Variants in CNKSR3 observed in about 807,000 individuals in gnomAD.
CNKSR3 encodes the protein CNKSR family member 3, also known as connector enhancer of kinase suppressor of ras 3.
CNKSR3 carries 36 observed loss-of-function variants against 67.7 expected under a neutral mutation model. That is an observed-to-expected ratio of 0.53 (90% CI 0.41 to 0.70). The LOEUF (loss-of-function observed/expected upper bound fraction) is 0.70. CNKSR3 is among the 30% of genes least tolerant of loss of function. The pLI is 0.00. For synonymous variants in CNKSR3, 281 were observed against 271.4 expected, an observed-to-expected ratio of 1.04 and a Z score of -0.35; for missense variants, 630 against 695.2, an observed-to-expected ratio of 0.91 and a Z score of 1.05.
rs748950136 is a variant in CNKSR3 at position 154,414,913 on chromosome 6, T to C, written c.946-490A>G. 3.7e-5 allele frequency: 16 copies of C among 430,142 alleles called. 1 individual carries two copies. The highest frequency in any genetic ancestry group is 2.6e-4 in the South Asian group (16 of 60,928). The allele number at this position is 430,142 out of a possible 1,614,324, so 26.6% of individuals were successfully genotyped here. A position where few individuals can be genotyped will look rare whatever the true frequency, so the allele number is the denominator to read the frequency against. On this transcript the variant is annotated intron_variant, in intron 9 of 12. Coordinates refer to ENST00000607772, the MANE Select transcript of CNKSR3 (RefSeq NM_173515.4). ...GACTTCGAGACCAGCCTGGGCAACA[T>C]GGCGATACCCAGTCCCTACGAAAAA...
At chr6:154,426,873 C>T (rs185957988) in intron 7 of CNKSR3, among the ~76,000 whole-genome samples, 11 of 152,340 alleles carry the variant, frequency 7.2e-5, no homozygotes, top group African/African-American at 2.6e-4. Flanking sequence ...CACCATGTTT[C>T]TCTTCCATAC....
rs889057703 is a variant in CNKSR3, at chr6:154,398,012, G to A, written c.*8342C>T. ...TCCTCAGGGCATTGCAACCCATTAGGCTGAATCATATGAACTGCAGATTAT... is the reference window on the plus strand; with the variant it reads ...TCCTCAGGGCATTGCAACCCATTAGACTGAATCATATGAACTGCAGATTAT... On this transcript the variant is annotated 3_prime_UTR_variant, in exon 13 of 13. Coordinates refer to ENST00000607772, the MANE Select transcript of CNKSR3 (RefSeq NM_173515.4). 6.6e-6 allele frequency: 1 copy of A among 152,240 alleles called. No individual in the cohort carries two copies. Among genetic ancestry groups the A allele is most frequent in the Non-Finnish European group, 1.5e-5 (1 of 68,062 alleles). The allele number at this position is 152,240 out of a possible 1,614,324, so 9.4% of individuals were successfully genotyped here. A position where few individuals can be genotyped will look rare whatever the true frequency, so the allele number is the denominator to read the frequency against.
intron 1 of CNKSR3, among the ~76,000 whole-genome samples, chr6:154,468,746 T>A (rs1562346980): frequency 6.6e-6 from 1 of 151,958 alleles, no homozygotes; most frequent in Non-Finnish European, 1.5e-5. Flanking sequence ...TATGGAAAAA[T>A]TCAAATATAG....
rs575548687 is a variant in CNKSR3 at position 154,422,420 on chromosome 6, A to G, written c.945+86T>C. On this transcript the variant is annotated intron_variant, in intron 9 of 12. Coordinates refer to ENST00000607772, the MANE Select transcript of CNKSR3 (RefSeq NM_173515.4). Reference sequence around the variant, plus strand: ...TACAAACTCCTGAAACCAATCAATCACCTTCAAATTTTAATCTCTTTTTGT... The same window carrying G: ...TACAAACTCCTGAAACCAATCAATCGCCTTCAAATTTTAATCTCTTTTTGT... 3.0e-6 allele frequency: 4 copies of G among 1,324,762 alleles called. No homozygotes were observed. In the South Asian group the frequency reaches 3.9e-5, roughly 13 times the overall value. 82.1% of individuals were successfully genotyped at this position (1,324,762 alleles called of 1,614,324 possible).
Position 154,444,999 on chromosome 6 carries a change from G to A in CNKSR3, c.217-2709C>T, listed in dbSNP as rs1001161196. ...AGATACATAAAGCATAAATATACTCGGAAGTAGGTAAGAAACTTTTTTTTT... is the reference window on the plus strand; with the variant it reads ...AGATACATAAAGCATAAATATACTCAGAAGTAGGTAAGAAACTTTTTTTTT... On this transcript the variant is annotated intron_variant, in intron 2 of 12. Transcript: ENST00000607772. Among the ~76,000 whole-genome samples the A allele has an allele frequency of 6.6e-5, 10 of 151,558 alleles. No individual in the cohort carries two copies. In the South Asian group the frequency reaches 1.2e-3, roughly 19 times the overall value.
At chr6:154,418,409 G>A (rs1785066138) in intron 9 of CNKSR3, among the ~76,000 whole-genome samples, 2 of 152,122 alleles carry the variant, frequency 1.3e-5, no homozygotes, top group Admixed American at 1.3e-4. Flanking sequence ...CCCCGATGGT[G>A]GTCTATCTAT....
At chr6:154,421,616 GA>G (rs1785145542) in intron 9 of CNKSR3, among the ~76,000 whole-genome samples, 1 of 151,836 alleles carries the variant, frequency 6.6e-6, no homozygotes, top group African/African-American at 2.4e-5. Flanking sequence ...CGTTTGAAAG[GA>G]ATTTAAATAA....
At chr6:154,467,537 G>T (rs559809354) in intron 1 of CNKSR3, among the ~76,000 whole-genome samples, 1 of 152,226 alleles carries the variant, frequency 6.6e-6, no homozygotes, top group Admixed American at 6.5e-5. Flanking sequence ...AGTGACTTAA[G>T]CAAGAAGCAT....
At chr6:154,496,931 C>G (rs568317921) in intron 1 of CNKSR3, among the ~76,000 whole-genome samples, 1 of 152,280 alleles carries the variant, frequency 6.6e-6, no homozygotes, top group African/African-American at 2.4e-5. Context: ...TGATTCAAAC[C>G]CTATTTGCTA....
At chr6:154,454,104 CAGAGAGAGAGAGAGAGAG>C (rs71021054) in intron 1 of CNKSR3, among the ~76,000 whole-genome samples, 3,746 of 116,330 alleles carry the variant, frequency 0.032, 153 homozygotes, top group African/African-American at 0.06. Flanking sequence ...CACACACACA[CAGAGAGAGAGAGAGAGAG>C]AGAGAGAGAG....
chr6:154,484,842 T>C (rs1166178364), intron 1 of CNKSR3, among the ~76,000 whole-genome samples: 1 of 152,216 alleles, frequency 6.6e-6, no homozygotes, highest in African/African-American at 2.4e-5. Context: ...CGAAGCTTCT[T>C]TGAGAGTTTA....
chr6:154,465,164 A>AG (rs1562345387), intron 1 of CNKSR3, among the ~76,000 whole-genome samples: 40 of 135,508 alleles, frequency 3.0e-4, no homozygotes, highest in Non-Finnish European at 3.5e-4. Context: ...AAAAAAAAAA[A>AG]GGGGGTCTGT....
At position 154,456,101 on chromosome 6, in the gene CNKSR3, C is replaced by A. The variant is rs184358226; in HGVS notation, c.53-5843G>T. Among the ~76,000 whole-genome samples the A allele has an allele frequency of 5.7e-3, 874 of 152,242 alleles. 2 individuals carry two copies. The highest frequency in any genetic ancestry group is 0.014 in the Middle Eastern group (4 of 292). On this transcript the variant is annotated intron_variant, in intron 1 of 12. Coordinates refer to ENST00000607772, the MANE Select transcript of CNKSR3 (RefSeq NM_173515.4). ...AGATGATGAACTAGGTCCCAGAAAG[C>A]AAATGGTCATCATGACCACTTTAGT...
rs773533317 is a variant in CNKSR3, at chr6:154,415,227, C to CTTT, written c.946-805_946-804insAAA. ...ATCCTGGCTAGACTTACTAGCTGCC[C>CTTT]ATTTTTTTTTTTTTTTTTTTTAAGA... On this transcript the variant is annotated intron_variant, in intron 9 of 12. Coordinates refer to ENST00000607772, the MANE Select transcript of CNKSR3 (RefSeq NM_173515.4). Among the ~76,000 whole-genome samples, 477 of 112,718 alleles carry CTTT rather than the reference C, an allele frequency of 4.2e-3. 68 individuals carry two copies. Among genetic ancestry groups the CTTT allele is most frequent in the Middle Eastern group, 0.022 (4 of 186 alleles). 73.9% of individuals were successfully genotyped at this position (112,718 alleles called of 152,430 possible). A position where few individuals can be genotyped will look rare whatever the true frequency, so the allele number is the denominator to read the frequency against.
rs548325823 is a variant in CNKSR3, at chr6:154,413,010, T to C, written c.1070+1289A>G. The stretch of plus-strand genomic sequence containing the variant: ...CTAGTTTTATCAACATATATAAATA[T>C]GTGAGTTGATAAAAATAAGCCTAGA... On this transcript the variant is annotated intron_variant, in intron 10 of 12. Coordinates refer to ENST00000607772, the MANE Select transcript of CNKSR3 (RefSeq NM_173515.4). 2.0e-4 allele frequency among the ~76,000 whole-genome samples: 30 copies of C among 152,218 alleles called. No homozygotes were observed. The South Asian group carries it at 5.8e-3, about 29-fold the overall frequency.
At chr6:154,406,958 G>GAAA (rs5881085) in intron 12 of CNKSR3, among the ~76,000 whole-genome samples, 4 of 142,220 alleles carry the variant, frequency 2.8e-5, no homozygotes, top group African/African-American at 2.6e-5. Flanking sequence ...TCCCCTCCAG[G>GAAA]AAAAAAAAAA....
chr6:154,423,107 C>T (rs989383250), intron 7 of CNKSR3, 124 bp from the exon 8 acceptor site: 2 of 641,774 alleles, frequency 3.1e-6, no homozygotes, highest in Admixed American at 3.0e-5. Context: ...AAAAATAAAA[C>T]AATGCACTTT....
chr6:154,455,718 G>C (rs1406343955), intron 1 of CNKSR3, among the ~76,000 whole-genome samples: 1 of 152,070 alleles, frequency 6.6e-6, no homozygotes. Flanking sequence ...CAACATGCCT[G>C]GCCTGCTTTT....
In CNKSR3 at chr6:154,410,965, G is replaced by A. The variant is rs762702163; in HGVS notation, c.1248C>T (p.Pro416=). ...PGYSVETNIL[P]TKMREKTPSY... ...ATGGTGTTTTCTCTCTCATTTTTGT[G>A]GGCAGAATGTTGGTTTCCACCGAGT... Residue 416 remains proline, a synonymous_variant, in exon 11 of 13, where the codon CCC becomes CCT. Coordinates refer to ENST00000607772, the MANE Select transcript of CNKSR3 (RefSeq NM_173515.4). The A allele has an allele frequency of 1.2e-6, 2 of 1,612,586 alleles. No homozygotes were observed. The highest frequency in any genetic ancestry group is 1.7e-6 in the Non-Finnish European group (2 of 1,179,186).
Sources: allele counts gnomAD v4.1 joint callset (sites outside exome capture counted in the v4.1 genomes callset), GRCh38; gene constraint gnomAD v4.1.1; transcripts MANE v1.5; gene names NCBI Gene and HGNC (gene_info 2026-07-23, HGNC 2026-07-21).